Variants in DNAAF9 observed in about 807,000 individuals in gnomAD.
DNAAF9 encodes dynein axonemal assembly factor 9.
Under a neutral mutation model 167.0 loss-of-function variants are expected in DNAAF9, and 90 were observed. That is an observed-to-expected ratio of 0.54 (90% CI 0.45 to 0.64). The LOEUF is 0.64. Among genes scored for constraint, DNAAF9 ranks in the 30% least tolerant of loss-of-function variants. The pLI is 0.00. For missense variants in DNAAF9, 1,315 were observed against 1,442.2 expected (o/e 0.91, Z 1.43); for synonymous variants, 491 against 508.8 (o/e 0.96, Z 0.47).
chr20:3,341,909 C>T (rs1016466688), intron 9 of DNAAF9, among the ~76,000 whole-genome samples: 1 of 152,180 alleles, frequency 6.6e-6, no homozygotes, highest in Non-Finnish European at 1.5e-5. Context: ...TCCCGAGTAG[C>T]TGGGACTGCA....
chr20:3,336,251 C>CTTTTTTTT (rs2069940051), intron 10 of DNAAF9, among the ~76,000 whole-genome samples: 1 of 68,086 alleles, frequency 1.5e-5, no homozygotes, highest in African/African-American at 8.1e-5. Context: ...CACAGTTTTG[C>CTTTTTTTT]GTTTTTGTTT....
chr20:3,341,487 T>G (rs1355317435), intron 9 of DNAAF9, among the ~76,000 whole-genome samples: 2 of 152,140 alleles, frequency 1.3e-5, no homozygotes. Context: ...GTGATGATGT[T>G]CCCTATGTCT....
intron 8 of DNAAF9, among the ~76,000 whole-genome samples, chr20:3,345,974 T>C (rs1457038290): frequency 6.6e-6 from 1 of 152,008 alleles, no homozygotes; most frequent in African/African-American, 2.4e-5. Flanking sequence ...CTAAAACCTA[T>C]GCTCTATAGT....
Position 3,296,888 on chromosome 20 carries a change from T to C in DNAAF9, c.1991A>G (p.Asp664Gly). 6.2e-7 allele frequency: 1 copy of C among 1,610,686 alleles called. No homozygotes were observed. Among genetic ancestry groups the C allele is most frequent in the Non-Finnish European group, 8.5e-7 (1 of 1,176,948 alleles). The change falls in exon 23 of 37, where the codon GAT (aspartate) becomes GGT (glycine). Residue 664 changes from aspartate to glycine, a missense_variant. Coordinates refer to ENST00000252032, the MANE Select transcript of DNAAF9 (RefSeq NM_001009984.3). Reference protein sequence around the residue: ...SGISLKVIQEDGLSVEQKRLH... With the variant: ...SGISLKVIQEGGLSVEQKRLH... ...TCTCTTTTGTTCCACAGATAATCCA[T>C]CTTCCTGGATCACTTTTAAAGAGAT...
chr20:3,407,669 TG>T, upstream of DNAAF9: 1 of 833,866 alleles, frequency 1.2e-6, no homozygotes. Flanking sequence ...GCGTGCCGGG[TG>T]GGAGGGGGCG....
At chr20:3,343,818 C>T in intron 8 of DNAAF9, 87 bp from the exon 9 acceptor site, 2 of 977,844 alleles carry the variant, frequency 2.0e-6, no homozygotes, top group Non-Finnish European at 3.2e-6. Flanking sequence ...TATGTACACA[C>T]ATGCTTCAGG....
intron 23 of DNAAF9, chr20:3,296,511 G>T (rs1297612984): frequency 3.3e-6 from 1 of 299,130 alleles, no homozygotes; most frequent in Non-Finnish European, 6.3e-6. Flanking sequence ...CTGACTAGCT[G>T]AGACTACAGG....
intron 10 of DNAAF9, among the ~76,000 whole-genome samples, chr20:3,336,254 T>TTG (rs1568612283): frequency 8.3e-6 from 1 of 121,202 alleles, no homozygotes; most frequent in Non-Finnish European, 1.7e-5. Context: ...AGTTTTGCGT[T>TTG]TTTGTTTTTT....
At chr20:3,287,602 G>A (rs370634444) in intron 27 of DNAAF9, 30 bp downstream of exon 27, 57 of 1,609,720 alleles carry the variant, frequency 3.5e-5, no homozygotes, top group Non-Finnish European at 4.5e-5. Context: ...ACCCTGATTC[G>A]ACTGTTTCCA....
Position 3,394,942 on chromosome 20 carries a change from C to CTT in DNAAF9, c.84-12438_84-12437dup, listed in dbSNP as rs1258382355. The stretch of plus-strand genomic sequence containing the variant: ...TTCCATGGCTTTTACTGAACATTTT[C>CTT]TTTTTTCTTTTTTTTTTTTTTTTTT... On this transcript the variant is annotated intron_variant, in intron 1 of 36. Transcript: ENST00000252032. Among the ~76,000 whole-genome samples, 514 of 88,990 alleles carry CTT rather than the reference C, an allele frequency of 5.8e-3. 47 individuals are homozygous for CTT. Among genetic ancestry groups the CTT allele is most frequent in the Middle Eastern group, 0.016 (3 of 190 alleles). The allele number at this position is 88,990 out of a possible 152,430, so 58.4% of individuals were successfully genotyped here.
At position 3,310,337 on chromosome 20, in the gene DNAAF9, G is replaced by GAAAGAAA. The variant is rs1436717539; in HGVS notation, c.1678+4689_1678+4695dup. Among the ~76,000 whole-genome samples the GAAAGAAA allele has an allele frequency of 8.0e-3, 1,025 of 128,788 alleles. 9 individuals carry two copies. Among genetic ancestry groups the GAAAGAAA allele is most frequent in the African/African-American group, 0.02 (624 of 31,604 alleles). 84.5% of individuals were successfully genotyped at this position (128,788 alleles called of 152,430 possible). A position where few individuals can be genotyped will look rare whatever the true frequency, so the allele number is the denominator to read the frequency against. ...GAAAGAAAGGAAAGAGAAAGAAAAA[G>GAAAGAAA]AAAGAAAGAAAGAAAGAAAGAAAGA... On this transcript the variant is annotated intron_variant, in intron 20 of 36. Transcript: ENST00000252032.
intron 1 of DNAAF9, among the ~76,000 whole-genome samples, chr20:3,387,851 G>A (rs2083767668): frequency 7.0e-6 from 1 of 141,930 alleles, no homozygotes; most frequent in South Asian, 2.2e-4. Flanking sequence ...GACCAGCCAG[G>A]GCAACACAGG....
rs765367166 is a variant in DNAAF9 at position 3,340,603 on chromosome 20, G to C, written c.882C>G (p.His294Gln). Residue 294 changes from histidine to glutamine, a missense_variant, in exon 10 of 37, where the codon CAC (histidine) becomes CAG (glutamine). Transcript: ENST00000252032. Reference sequence around the variant, plus strand: ...CAGCATTCAGGTTTTCTCGTGTGGAGTGATTACCAAAGAGAACAAATGGCT... The same window carrying C: ...CAGCATTCAGGTTTTCTCGTGTGGACTGATTACCAAAGAGAACAAATGGCT... ...NRQPFVLFGNHSTRENLNAGN... is the reference protein window; with the variant it reads ...NRQPFVLFGNQSTRENLNAGN... 4 of 1,613,820 alleles carry C rather than the reference G, an allele frequency of 2.5e-6. No homozygotes were observed. The highest frequency in any genetic ancestry group is 3.4e-6 in the Non-Finnish European group (4 of 1,179,722).
At chr20:3,325,876 CTT>C (rs2069701167) in intron 13 of DNAAF9, among the ~76,000 whole-genome samples, 1 of 121,470 alleles carries the variant, frequency 8.2e-6, no homozygotes, top group East Asian at 2.6e-4. Context: ...CTAAAGTTGT[CTT>C]TTTGGTTTTT....
intron 12 of DNAAF9, among the ~76,000 whole-genome samples, chr20:3,329,510 T>C (rs929899772): frequency 1.3e-5 from 2 of 152,246 alleles, no homozygotes; most frequent in African/African-American, 2.4e-5. Flanking sequence ...GGAGGAATTA[T>C]AGCTGATCTT....
intron 21 of DNAAF9, among the ~76,000 whole-genome samples, chr20:3,302,343 G>A (rs1168538209): frequency 6.6e-6 from 1 of 151,976 alleles, no homozygotes; most frequent in Non-Finnish European, 1.5e-5. Context: ...ATTACATCAG[G>A]GTAATGAATG....
In DNAAF9 at chr20:3,259,509, T is replaced by C. The variant is rs1262603989; in HGVS notation, c.3026A>G (p.Tyr1009Cys). Residue 1009 changes from tyrosine (Y) to cysteine (C), a missense_variant, in exon 33 of 37, where the codon TAC (tyrosine) becomes TGC (cysteine). Coordinates refer to ENST00000252032, the MANE Select transcript of DNAAF9 (RefSeq NM_001009984.3). Reference sequence around the variant, plus strand: ...AAACTTCACTTTGCCCAGGATGTGGTAGATGTTTCCGGAGAAGGGACTTGG... The same window carrying C: ...AAACTTCACTTTGCCCAGGATGTGGCAGATGTTTCCGGAGAAGGGACTTGG... ...IKPSPFSGNI[Y>C]HILGKVKFSD... The C allele has an allele frequency of 4.3e-6, 7 of 1,612,266 alleles. No homozygotes were observed. Among genetic ancestry groups the C allele is most frequent in the South Asian group, 3.3e-5 (3 of 91,016 alleles).
intron 23 of DNAAF9, 35 bp downstream of exon 23, chr20:3,296,826 G>A (rs373064242): frequency 1.1e-5 from 15 of 1,375,082 alleles, no homozygotes; most frequent in Non-Finnish European, 1.6e-5. Context: ...ACAAAGCCTA[G>A]GGAAGCAAGC....
At chr20:3,308,678 G>A (rs780459740) in intron 20 of DNAAF9, among the ~76,000 whole-genome samples, 1 of 151,698 alleles carries the variant, frequency 6.6e-6, no homozygotes, top group Non-Finnish European at 1.5e-5. Flanking sequence ...CTCCAGCCAG[G>A]TGCGGTGGCT....
Sources: gnomAD v4.1 joint callset for allele counts (sites outside exome capture counted in the v4.1 genomes callset) on GRCh38, gnomAD v4.1.1 for gene constraint, MANE v1.5 for transcripts, NCBI Gene and HGNC (gene_info 2026-07-23, HGNC 2026-07-21) for gene names.